Variants in DGKB observed in about 807,000 individuals in gnomAD.
The protein encoded by DGKB is 90 kDa diacylglycerol kinase.
Under a neutral mutation model 114.3 loss-of-function variants are expected in DGKB, and 67 were observed. The observed-to-expected ratio is 0.59, with a 90% CI of 0.48 to 0.72. DGKB has a LOEUF of 0.72. Among genes scored for constraint, DGKB ranks in the 30% least tolerant of loss-of-function variants. DGKB has a pLI of 0.00. For missense variants in DGKB, 907 were observed against 975.2 expected (o/e 0.93, Z 0.93); for synonymous variants, 398 against 323.1 (o/e 1.23, Z -2.49).
At chr7:14,904,678 C>T (rs1783581707), upstream of DGKB, among the ~76,000 whole-genome samples, 1 of 152,082 alleles carries the variant, frequency 6.6e-6, no homozygotes, top group Non-Finnish European at 1.5e-5. Flanking sequence ...TCATATAATA[C>T]CTTAAATGCG....
intron 21 of DGKB, among the ~76,000 whole-genome samples, chr7:14,474,817 T>A (rs781157645): frequency 7.6e-5 from 10 of 131,828 alleles, no homozygotes; most frequent in Non-Finnish European, 1.3e-4. Flanking sequence ...TCTAGTAGCA[T>A]AAATATTTAG....
intron 13 of DGKB, among the ~76,000 whole-genome samples, chr7:14,643,816 C>T (rs1207164021): frequency 6.6e-6 from 1 of 152,122 alleles, no homozygotes; most frequent in African/African-American, 2.4e-5. Flanking sequence ...TGCCAGTGCC[C>T]CAATGTGTGC....
chr7:14,291,116 T>A (rs1243369819), intron 23 of DGKB, among the ~76,000 whole-genome samples: 1 of 116,542 alleles, frequency 8.6e-6, no homozygotes, highest in Non-Finnish European at 1.6e-5. Context: ...CACTCCAGCC[T>A]ATGCAACAAA....
intron 1 of DGKB, among the ~76,000 whole-genome samples, chr7:14,952,401 C>T (rs1280547948): frequency 6.6e-6 from 1 of 151,960 alleles, no homozygotes; most frequent in East Asian, 1.9e-4. Flanking sequence ...GCTAATATAG[C>T]AATGCTTCCC....
intron 4 of DGKB, among the ~76,000 whole-genome samples, chr7:14,745,832 C>A (rs1445293977): frequency 6.6e-6 from 1 of 152,146 alleles, no homozygotes; most frequent in Non-Finnish European, 1.5e-5. Flanking sequence ...GGTCATGAGA[C>A]AAGAACCTGG....
intron 1 of DGKB, among the ~76,000 whole-genome samples, chr7:14,852,486 T>TCAAAAAAAAAAAAAAAAAAAA (rs948693044): frequency 2.6e-4 from 2 of 7,774 alleles, no homozygotes; most frequent in African/African-American, 6.4e-4. Context: ...ATAGTGAAAG[T>TCAAAAAAAAAAAAAAAAAAAA]CAAAAAAAAA....
At chr7:14,568,452 TTA>T (rs1249742146) in intron 20 of DGKB, among the ~76,000 whole-genome samples, 7 of 152,204 alleles carry the variant, frequency 4.6e-5, no homozygotes, top group Admixed American at 4.6e-4. Context: ...GGCCAGTGAG[TTA>T]TGAGTGGAAA....
At chr7:14,326,010 T>C (rs1310212976) in intron 23 of DGKB, among the ~76,000 whole-genome samples, 1 of 152,092 alleles carries the variant, frequency 6.6e-6, no homozygotes, top group Admixed American at 6.6e-5. Context: ...GAAATGTTTA[T>C]GTCTACTTAT....
At chr7:14,339,505 T>G (rs1811260324) in intron 22 of DGKB, among the ~76,000 whole-genome samples, 1 of 152,076 alleles carries the variant, frequency 6.6e-6, no homozygotes, top group African/African-American at 2.4e-5. Flanking sequence ...CCCTGGTGAT[T>G]ATGAAAAATA....
intron 23 of DGKB, among the ~76,000 whole-genome samples, chr7:14,330,473 CT>C (rs1183312901): frequency 6.6e-6 from 1 of 151,886 alleles, no homozygotes; most frequent in African/African-American, 2.4e-5. Context: ...GAAAATACCA[CT>C]TTTCTGTTTA....
At chr7:14,843,293 T>C (rs1848186042) in intron 1 of DGKB, among the ~76,000 whole-genome samples, 1 of 151,224 alleles carries the variant, frequency 6.6e-6, no homozygotes, top group African/African-American at 2.4e-5. Context: ...ACAATTATTA[T>C]TTGTTAATTA....
At chr7:14,624,867 T>C (rs1585175597) in intron 14 of DGKB, among the ~76,000 whole-genome samples, 2 of 152,032 alleles carry the variant, frequency 1.3e-5, no homozygotes, top group East Asian at 3.9e-4. Context: ...GGCATGGTGG[T>C]GGACACCTGT....
At chr7:14,203,753 A>G (rs531887241) in intron 23 of DGKB, among the ~76,000 whole-genome samples, 7 of 152,000 alleles carry the variant, frequency 4.6e-5, no homozygotes, top group Non-Finnish European at 8.8e-5. Flanking sequence ...TTGTTCAGAT[A>G]GGATAACTGA....
chr7:14,151,341 T>C (rs1297847579), intron 25 of DGKB, among the ~76,000 whole-genome samples: 6 of 152,020 alleles, frequency 3.9e-5, no homozygotes, highest in Non-Finnish European at 8.8e-5. Context: ...TTAGTATCAA[T>C]TTATGACAAA....
intron 17 of DGKB, among the ~76,000 whole-genome samples, chr7:14,587,021 C>A (rs556667442): frequency 4.3e-4 from 65 of 152,068 alleles, no homozygotes; most frequent in Middle Eastern, 3.2e-3. Flanking sequence ...ACTTTCAAGT[C>A]TTATTTAAAA....
chr7:14,218,960 A>T (rs1173719483), intron 23 of DGKB, among the ~76,000 whole-genome samples: 1 of 151,850 alleles, frequency 6.6e-6, no homozygotes, highest in Non-Finnish European at 1.5e-5. Context: ...GCAACTAATG[A>T]TCTACTTTCT....
chr7:14,341,827 C>G (rs1054461452), intron 22 of DGKB, among the ~76,000 whole-genome samples: 22 of 151,796 alleles, frequency 1.4e-4, no homozygotes, highest in African/African-American at 5.1e-4. Context: ...GTTGATAGGA[C>G]TATTCAAAAC....
chr7:14,149,166 G>T lies in DGKB; in HGVS notation c.2377C>A (p.Leu793Ile). ...CTTCGGTTTCTTGTCCTTTTGACGA[G>T]GGAGCAGAATAAACCGGTTTTTGGA... ...PPPKTGLFCS[L>I]VKRTRNRSKE is the part of the protein sequence containing the mutation. Residue 793 changes from leucine (L) to isoleucine (I), a missense_variant, in exon 26 of 26, where the codon CTC (leucine) becomes ATC (isoleucine). Physicochemically the swap from Leu to Ile is conservative, Grantham distance 5 (BLOSUM62 2). This residue lies in a region of DGKB where 58 missense variants were observed against 52.5 expected (regional missense o/e 1.10). Coordinates refer to ENST00000402815, the MANE Select transcript of DGKB (RefSeq NM_001350709.2). The T allele has an allele frequency of 6.2e-7, 1 of 1,613,574 alleles. No individual in the cohort carries two copies. Among genetic ancestry groups the T allele is most frequent in the Non-Finnish European group, 8.5e-7 (1 of 1,179,582 alleles).
At chr7:14,182,034 T>G (rs930022830) in intron 23 of DGKB, among the ~76,000 whole-genome samples, 2 of 152,182 alleles carry the variant, frequency 1.3e-5, no homozygotes, top group African/African-American at 4.8e-5. Flanking sequence ...TTCACTAACA[T>G]GTAATTGAAA....
Sources: allele counts gnomAD v4.1 joint callset (sites outside exome capture counted in the v4.1 genomes callset), GRCh38; gene constraint gnomAD v4.1.1; regional missense constraint gnomAD v4.1.1; transcripts MANE v1.5; gene names NCBI Gene and HGNC (gene_info 2026-07-23, HGNC 2026-07-21).